PLK4: variants seen among roughly 807,000 people sequenced by gnomAD.
The protein encoded by PLK4 is polo like kinase 4.
PLK4 carries 51 observed loss-of-function variants against 103.0 expected under a neutral mutation model. That is an observed-to-expected ratio of 0.50 (90% CI 0.40 to 0.63). The LOEUF (loss-of-function observed/expected upper bound fraction) is 0.63. Among genes scored for constraint, PLK4 ranks in the 20% least tolerant of loss-of-function variants. The probability of loss-of-function intolerance (pLI) is 0.00; values close to 1 mark genes in which losing one functional copy is unlikely to be tolerated. For missense variants in PLK4, 1,054 were observed against 1,151.0 expected (o/e 0.92, Z 1.22); for synonymous variants, 389 against 376.8 (o/e 1.03, Z -0.38).
At chr4:127,893,926 T>A (rs1216129390) in intron 13 of PLK4, 45 bp downstream of exon 13, 1 of 998,576 alleles carries the variant, frequency 1.0e-6, no homozygotes, top group East Asian at 2.4e-5. Context: ...CTTTCAATGA[T>A]TGCCTGATGC....
In PLK4 at chr4:127,895,452, C is replaced by CTTTTTTTTTTTTTTT. The variant is rs70966059; in HGVS notation, c.2703+373_2703+387dup. ...TAATCAATATTAGTAGAGTAACTTT[C>CTTTTTTTTTTTTTTT]TTTTTTTTTTTTTTTTTTTTTTTTT... On this transcript the variant is annotated intron_variant, in intron 14 of 15. Coordinates refer to ENST00000270861, the MANE Select transcript of PLK4 (RefSeq NM_014264.5). Among the ~76,000 whole-genome samples the CTTTTTTTTTTTTTTT allele has an allele frequency of 1.0e-3, 66 of 65,194 alleles. 8 individuals are homozygous for CTTTTTTTTTTTTTTT. The highest frequency in any genetic ancestry group is 5.8e-3 in the East Asian group (11 of 1,886). The allele number at this position is 65,194 out of a possible 152,430, so 42.8% of individuals were successfully genotyped here.
chr4:127,894,981 C>T lies in PLK4; in HGVS notation c.2591C>T (p.Thr864Ile). 1 of 1,604,908 alleles carries T rather than the reference C, an allele frequency of 6.2e-7. No individual in the cohort carries two copies. The highest frequency in any genetic ancestry group is 8.5e-7 in the Non-Finnish European group (1 of 1,173,364). ...GTTACAAATGAAGGACTTGGTCTTA[C>T]AACTACAGCTTCTGGAACAGACATC... Reference protein sequence around the residue: ...SMVTNEGLGLTTTASGTDISS... With the variant: ...SMVTNEGLGLITTASGTDISS... Residue 864 changes from threonine (T) to isoleucine (I), a missense_variant, in exon 14 of 16, where the codon ACA (threonine) becomes ATA (isoleucine). Around this residue, in one of 4 missense-constraint regions of PLK4, gnomAD observed 167 missense variants for 200.7 expected, o/e 0.83. Transcript: ENST00000270861.
chr4:127,881,758 C>A, intron 1 of PLK4, 73 bp from the exon 2 acceptor site: 2 of 913,302 alleles, frequency 2.2e-6, no homozygotes, highest in East Asian at 2.5e-5. Flanking sequence ...ATTTTATCTT[C>A]TTTTTCCAGC....
Position 127,886,682 on chromosome 4 carries a change from T to G in PLK4, c.1312T>G (p.Ser438Ala), listed in dbSNP as rs751170471. Residue 438 changes from serine (S) to alanine (A), a missense_variant, in exon 5 of 16, where the codon TCC becomes GCC. Coordinates refer to ENST00000270861, the MANE Select transcript of PLK4 (RefSeq NM_014264.5). Reference protein sequence around the residue: ...NIFNFFKEKTSSSSGSFERPD... With the variant: ...NIFNFFKEKTASSSGSFERPD... The stretch of plus-strand genomic sequence containing the variant: ...TTTTAACTTCTTTAAAGAAAAGACA[T>G]CCAGTAGTTCTGGATCTTTTGAAAG... The G allele has an allele frequency of 6.2e-7, 1 of 1,611,686 alleles. No homozygotes were observed. Among genetic ancestry groups the G allele is most frequent in the Non-Finnish European group, 8.5e-7 (1 of 1,178,826 alleles).
intron 9 of PLK4, chr4:127,892,152 A>C (rs984532125): frequency 8.3e-6 from 3 of 359,584 alleles, no homozygotes; most frequent in Non-Finnish European, 1.5e-5. Context: ...ATTATTTATA[A>C]TTATAGTTAA....
chr4:127,892,537 A>G, intron 10 of PLK4, 23 bp downstream of exon 10: 1 of 1,586,922 alleles, frequency 6.3e-7, no homozygotes, highest in South Asian at 1.1e-5. Context: ...TGGAAATGGT[A>G]ATTTGTTCCT....
At position 127,893,271 on chromosome 4, in the gene PLK4, T is replaced by TC. The variant is rs770020234; in HGVS notation, c.2189-14_2189-13insC. 2.0e-6 allele frequency: 1 copy of TC among 496,824 alleles called. No individual in the cohort carries two copies. The allele number at this position is 496,824 out of a possible 1,614,324, so 30.8% of individuals were successfully genotyped here. A position where few individuals can be genotyped will look rare whatever the true frequency, so the allele number is the denominator to read the frequency against. ...AAAGGATAAGAGAACAGTTTTCTGA[T>TC]TTTTTTTTTTTAGGGGTAAAAATAC... On this transcript the variant is annotated splice_polypyrimidine_tract_variant and intron_variant, in intron 10 of 15. Transcript: ENST00000270861.
chr4:127,887,214 C>G, intron 5 of PLK4, 182 bp from the exon 6 acceptor site: 5 of 508,436 alleles, frequency 9.8e-6, no homozygotes, highest in Non-Finnish European at 1.8e-5. Flanking sequence ...GTGCCCTGGG[C>G]ATTTTGGCAT....
chr4:127,897,823 GCTTTTTTTTTTTTT>G (rs1735626040), intron 15 of PLK4, among the ~76,000 whole-genome samples: 1 of 37,138 alleles, frequency 2.7e-5, no homozygotes, highest in African/African-American at 9.4e-5. Flanking sequence ...TAGAATTAGG[GCTTTTTTTTTTTTT>G]TTTTTTTTTT....
rs769805999 is a variant in PLK4 at position 127,883,273 on chromosome 4, A to C, written c.138A>C (p.Lys46Asn). 7 of 1,549,892 alleles carry C rather than the reference A, an allele frequency of 4.5e-6. 1 individual carries two copies. Among genetic ancestry groups the C allele is most frequent in the Admixed American group, 1.8e-5 (1 of 54,788 alleles). ...CCTGTTATTTTTAGATAGATAAGAA[A>C]GCCATGTACAAAGCAGGAATGGTAC... is the stretch of plus-strand genomic sequence containing the variant. ...LEVAIKMIDK[K>N]AMYKAGMVQR... Residue 46 changes from lysine to asparagine, a missense_variant, in exon 3 of 16, where the codon AAA becomes AAC. Around this residue, in one of 4 missense-constraint regions of PLK4, gnomAD observed 199 missense variants for 270.1 expected, o/e 0.74. Transcript: ENST00000270861.
In PLK4 at chr4:127,883,418, TTA is replaced by T; in HGVS notation, c.223-19_223-18del. The T allele has an allele frequency of 7.2e-7, 1 of 1,398,046 alleles. No homozygotes were observed. 86.6% of individuals were successfully genotyped at this position (1,398,046 alleles called of 1,614,324 possible). On this transcript the variant is annotated intron_variant, in intron 3 of 15. Transcript: ENST00000270861. ...CTGAATTTTTGTATATTTTAATTTATTATGCCCTTTCACATTTCAGCTTTATA... is the reference window on the plus strand; with the variant it reads ...CTGAATTTTTGTATATTTTAATTTATTGCCCTTTCACATTTCAGCTTTATA...
intron 14 of PLK4, among the ~76,000 whole-genome samples, chr4:127,895,883 G>A (rs1406390108): frequency 6.6e-6 from 1 of 152,158 alleles, no homozygotes; most frequent in African/African-American, 2.4e-5. Flanking sequence ...GGGCAACAAA[G>A]CAAGACCCCA....
At chr4:127,893,207 C>G in intron 10 of PLK4, 78 bp from the exon 11 acceptor site, 1 of 860,034 alleles carries the variant, frequency 1.2e-6, no homozygotes. Context: ...CCATTATATA[C>G]TGGTATGATA....
intron 6 of PLK4, among the ~76,000 whole-genome samples, chr4:127,888,782 T>C (rs1735241364): frequency 6.6e-6 from 1 of 152,194 alleles, no homozygotes; most frequent in African/African-American, 2.4e-5. Flanking sequence ...GATCATTTTT[T>C]ACTAAGTATC....
Position 127,881,090 on chromosome 4 carries a change from CGTGAAGGAAG to C in PLK4, c.-44_-35del, listed in dbSNP as rs1734897162. On this transcript the variant is annotated 5_prime_UTR_variant, in exon 1 of 16. Coordinates refer to ENST00000270861, the MANE Select transcript of PLK4 (RefSeq NM_014264.5). Reference sequence around the variant, plus strand: ...TTGGAGCGCTGCCTCGAAGGGACTGCGTGAAGGAAGCTAATCCGGAGAACCCAGGCCAGAG... The same window carrying C: ...TTGGAGCGCTGCCTCGAAGGGACTGCCTAATCCGGAGAACCCAGGCCAGAG... The C allele has an allele frequency of 1.2e-6, 2 of 1,610,110 alleles. No homozygotes were observed. Among genetic ancestry groups the C allele is most frequent in the Non-Finnish European group, 1.7e-6 (2 of 1,176,880 alleles).
chr4:127,881,315 G>C (rs996151419), intron 1 of PLK4, 151 bp downstream of exon 1: 1 of 1,495,714 alleles, frequency 6.7e-7, no homozygotes, highest in Admixed American at 2.3e-5. Flanking sequence ...GACCCCTGCT[G>C]TTTAGGGGCG....
At position 127,893,557 on chromosome 4, in the gene PLK4, G is replaced by A. The variant is rs2148823252; in HGVS notation, c.2367G>A (p.Glu789=). 6.2e-7 allele frequency: 1 copy of A among 1,613,084 alleles called. No homozygotes were observed. The highest frequency in any genetic ancestry group is 8.5e-7 in the Non-Finnish European group (1 of 1,179,404). ...CACTGGAATCCATAATTTCAGAAGA[G>A]GAAAGGAAAACTAGGAGTGCTCCCT... ...CLALESIISE[E]ERKTRSAPFF... is the part of the protein sequence containing the mutation. Residue 789 remains glutamate (E), a synonymous_variant, in exon 12 of 16, where the codon GAG becomes GAA. Transcript: ENST00000270861.
At position 127,890,106 on chromosome 4, in the gene PLK4, T is replaced by C; in HGVS notation, c.1700T>C (p.Leu567Pro). 6.2e-7 allele frequency: 1 copy of C among 1,614,088 alleles called. No individual in the cohort carries two copies. ...GAATGTGTTTTTGGCTCAGATCCTCTTTCTGAACAGAGCAAGACTAGGGGT... is the reference window on the plus strand; with the variant it reads ...GAATGTGTTTTTGGCTCAGATCCTCCTTCTGAACAGAGCAAGACTAGGGGT... ...QQECVFGSDPLSEQSKTRGME... is the reference protein window; with the variant it reads ...QQECVFGSDPPSEQSKTRGME... The change falls in exon 7 of 16, where the codon CTT (leucine) becomes CCT (proline). Residue 567 changes from leucine (L) to proline (P), a missense_variant. Leu to Pro is a moderately conservative substitution (Grantham distance 98, BLOSUM62 -3). Coordinates refer to ENST00000270861, the MANE Select transcript of PLK4 (RefSeq NM_014264.5).
At chr4:127,881,432 C>G (rs778121061) in intron 1 of PLK4, 98 of 1,377,768 alleles carry the variant, frequency 7.1e-5, no homozygotes, top group Non-Finnish European at 8.9e-5. Flanking sequence ...GCAATCCCGC[C>G]CGAGCTACCG....
Sources: gnomAD v4.1 joint callset for allele counts (sites outside exome capture counted in the v4.1 genomes callset) on GRCh38, gnomAD v4.1.1 for gene constraint, gnomAD v4.1.1 regional missense constraint, MANE v1.5 for transcripts, NCBI Gene and HGNC (gene_info 2026-07-23, HGNC 2026-07-21) for gene names.